TAF5L: variants seen among roughly 807,000 people sequenced by gnomAD.
TAF5L encodes TAF5-like RNA polymerase II p300/CBP-associated factor-associated factor 65 kDa subunit 5L.
A neutral mutation model predicts 51.3 loss-of-function variants in TAF5L; 7 were observed. The ratio of observed to expected loss-of-function variants is 0.14; its 90% confidence interval spans 0.08 to 0.26. TAF5L has a LOEUF of 0.26. TAF5L is among the 10% of genes least tolerant of loss of function. The probability of loss-of-function intolerance (pLI) is 1.00; values close to 1 mark genes in which losing one functional copy is unlikely to be tolerated. For synonymous variants in TAF5L, 291 were observed against 308.1 expected (o/e 0.94, Z 0.58); for missense variants, 575 against 758.9 (o/e 0.76, Z 2.85).
chr1:229,599,186 C>T (rs2102740025), intron 4 of TAF5L: 2 of 835,944 alleles, frequency 2.4e-6, no homozygotes, highest in Non-Finnish European at 2.9e-6. Context: ...ACAGAAGCTA[C>T]AGGACAGTGC....
Position 229,614,493 on chromosome 1 carries a change from G to C in TAF5L, c.-3-8C>G, listed in dbSNP as rs1204987306. 29 of 1,613,758 alleles carry C rather than the reference G, an allele frequency of 1.8e-5. No individual in the cohort carries two copies. The highest frequency in any genetic ancestry group is 2.5e-5 in the Non-Finnish European group (29 of 1,179,842). ...ACGCACTCGTTTCATGACCTTCAAG[G>C]GAGGCAACGACAGGATACAGAGACA... On this transcript the variant is annotated splice_polypyrimidine_tract_variant and splice_region_variant and intron_variant, in intron 1 of 4. Coordinates refer to ENST00000258281, the Ensembl canonical transcript of TAF5L.
chr1:229,604,049 A>C (rs1219419274), intron 3 of TAF5L, among the ~76,000 whole-genome samples: 1 of 152,170 alleles, frequency 6.6e-6, no homozygotes, highest in Non-Finnish European at 1.5e-5. Flanking sequence ...CCTTATCTGT[A>C]ATGAGTCTGG....
chr1:229,611,092 C>T (rs1030458316), intron 2 of TAF5L, among the ~76,000 whole-genome samples: 2 of 152,082 alleles, frequency 1.3e-5, no homozygotes, highest in African/African-American at 2.4e-5. Context: ...ACATCACTGT[C>T]TTTTCGTCTT....
chr1:229,619,875 T>A (rs1403086247), intron 1 of TAF5L, among the ~76,000 whole-genome samples: 3 of 152,106 alleles, frequency 2.0e-5, no homozygotes, highest in African/African-American at 7.2e-5. Flanking sequence ...CTTCTTCACA[T>A]TCCCGGCTTC....
At chr1:229,621,383 A>C (rs6656876) in intron 1 of TAF5L, among the ~76,000 whole-genome samples, 42,743 of 149,042 alleles carry the variant, frequency 0.29, 6,237 homozygotes, top group South Asian at 0.42. Flanking sequence ...ATTGCCAAAC[A>C]TTGTGAAGTT....
chr1:229,626,006 G>C (rs1665449252), exon 1 of TAF5L: 1 of 144,768 alleles, frequency 6.9e-6, no homozygotes, highest in Non-Finnish European at 1.5e-5. Context: ...GGGCCCCCGC[G>C]CCCCGCGCCC....
At chr1:229,624,039 G>A (rs143755921) in intron 1 of TAF5L, among the ~76,000 whole-genome samples, 3 of 152,192 alleles carry the variant, frequency 2.0e-5, no homozygotes, top group Non-Finnish European at 2.9e-5. Context: ...TGTCCACTGA[G>A]TAATACTGGT....
At chr1:229,614,428 G>A (rs1385231697) in exon 2 of TAF5L, 13 of 1,614,198 alleles carry the variant, frequency 8.1e-6, no homozygotes, top group Non-Finnish European at 1.1e-5. Context: ...TACTGCCGGC[G>A]TTTGAGGTAG....
chr1:229,600,625 C>T (rs1664337722), intron 4 of TAF5L: 8 of 985,310 alleles, frequency 8.1e-6, no homozygotes, highest in Admixed American at 6.1e-5. Flanking sequence ...GTCACTACAT[C>T]ACTTCCTGTC....
intron 1 of TAF5L, among the ~76,000 whole-genome samples, chr1:229,619,386 C>T (rs1665123495): frequency 6.6e-6 from 1 of 152,132 alleles, no homozygotes; most frequent in Non-Finnish European, 1.5e-5. Context: ...TGTTTTTTCC[C>T]ATGGTGTCCT....
chr1:229,610,442 T>C (rs540151065), intron 2 of TAF5L, among the ~76,000 whole-genome samples: 19 of 152,294 alleles, frequency 1.2e-4, no homozygotes, highest in African/African-American at 4.6e-4. Flanking sequence ...AGGAAAGGCA[T>C]AAAGCACAGG....
In TAF5L at chr1:229,594,357, C is replaced by G. The variant is rs747450366; in HGVS notation, c.1710G>C (p.Gln570His). 5 of 1,614,128 alleles carry G rather than the reference C, an allele frequency of 3.1e-6. No homozygotes were observed. In the East Asian group the frequency reaches 8.9e-5, roughly 29 times the overall value. The change falls in exon 5 of 5, where the codon CAG becomes CAC. Residue 570 changes from glutamine (Q) to histidine (H), a missense_variant. Transcript: ENST00000258281. The surrounding 1 kb of genome is among the most constrained non-coding windows in gnomAD (Gnocchi z 7.9). Reference sequence around the variant, plus strand: ...CCAGAAGAAGGTTACAGGCCATGAACTGCACGCTCAGGACGTTGCTCATCT... The same window carrying G: ...CCAGAAGAAGGTTACAGGCCATGAAGTGCACGCTCAGGACGTTGCTCATCT...
At chr1:229,599,940 G>A in intron 4 of TAF5L, 1 of 985,452 alleles carries the variant, frequency 1.0e-6, no homozygotes, top group Non-Finnish European at 1.2e-6. Context: ...TAGTGATTTT[G>A]TACTTTCTAT....
chr1:229,601,581 G>C (rs190385630), intron 4 of TAF5L: 229 of 985,986 alleles, frequency 2.3e-4, no homozygotes, highest in Middle Eastern at 5.2e-4. Context: ...TGACTGACGG[G>C]GGGAGGGGAG....
intron 3 of TAF5L, among the ~76,000 whole-genome samples, chr1:229,608,434 C>T (rs1010484368): frequency 1.3e-5 from 2 of 152,052 alleles, no homozygotes; most frequent in African/African-American, 4.8e-5. Flanking sequence ...TTCTGCATAT[C>T]ATATAAATCT....
At chr1:229,598,715 T>A (rs1452517268) in intron 4 of TAF5L, among the ~76,000 whole-genome samples, 2 of 151,362 alleles carry the variant, frequency 1.3e-5, no homozygotes, top group Non-Finnish European at 2.9e-5. Context: ...TTCTTTTTTT[T>A]TGAGACAGAA....
chr1:229,618,163 A>C (rs1052402446), intron 1 of TAF5L, among the ~76,000 whole-genome samples: 1 of 152,236 alleles, frequency 6.6e-6, no homozygotes, highest in Non-Finnish European at 1.5e-5. Context: ...ACTAGACCTA[A>C]GTCTCTGGAG....
intron 3 of TAF5L, among the ~76,000 whole-genome samples, chr1:229,603,828 G>A (rs990597771): frequency 6.6e-6 from 1 of 152,232 alleles, no homozygotes; most frequent in Non-Finnish European, 1.5e-5. Context: ...CTGTGAGGGA[G>A]CAAAGGTTTC....
chr1:229,617,781 T>C (rs781551041), intron 1 of TAF5L, among the ~76,000 whole-genome samples: 2 of 152,204 alleles, frequency 1.3e-5, no homozygotes, highest in Non-Finnish European at 2.9e-5. Context: ...TATTTAAGAT[T>C]GCTAGAAACT....
Sources: allele counts gnomAD v4.1 joint callset (sites outside exome capture counted in the v4.1 genomes callset), GRCh38; gene constraint gnomAD v4.1.1; non-coding constraint Gnocchi (gnomAD v3.1); transcripts MANE v1.5; gene names NCBI Gene and HGNC (gene_info 2026-07-23, HGNC 2026-07-21).